Variants in HLCS observed in about 807,000 individuals in gnomAD.
HLCS encodes the protein biotin--protein ligase.
Under a neutral mutation model 75.0 loss-of-function variants are expected in HLCS, and 53 were observed. That is an observed-to-expected ratio of 0.71 (90% CI 0.57 to 0.89). The LOEUF (loss-of-function observed/expected upper bound fraction) is 0.89. Among genes scored for constraint, HLCS ranks in the 40% least tolerant of loss-of-function variants. HLCS has a pLI of 0.00. For synonymous variants in HLCS, 431 were observed against 428.6 expected, an observed-to-expected ratio of 1.01 and a Z score of -0.07; for missense variants, 966 against 1,074.0, an observed-to-expected ratio of 0.90 and a Z score of 1.41.
intron 6 of HLCS, among the ~76,000 whole-genome samples, chr21:36,854,552 T>C (rs1288138994): frequency 1.3e-5 from 2 of 152,146 alleles, no homozygotes; most frequent in Non-Finnish European, 2.9e-5. Flanking sequence ...ACTAATAATT[T>C]GAGCAGTTCA....
chr21:36,983,866 C>G (rs1438364895), intron 1 of HLCS, among the ~76,000 whole-genome samples: 4 of 151,190 alleles, frequency 2.6e-5, no homozygotes, highest in African/African-American at 9.7e-5. Context: ...TTTTTTAAGA[C>G]AGGGTATATC....
At chr21:36,866,242 G>A (rs1892914) in intron 6 of HLCS, among the ~76,000 whole-genome samples, 152,250 of 152,250 alleles carry the variant, frequency 1, 76,125 homozygotes, top group Non-Finnish European at 1. Context: ...AGAAATGCTG[G>A]AAATTAAACC....
chr21:36,925,229 G>C (rs1043470768), intron 5 of HLCS, among the ~76,000 whole-genome samples: 12 of 152,018 alleles, frequency 7.9e-5, no homozygotes, highest in African/African-American at 2.7e-4. Context: ...GATTTTGCCC[G>C]ATCATTTCAG....
At chr21:36,804,645 C>T (rs2061311629) in intron 6 of HLCS, among the ~76,000 whole-genome samples, 1 of 152,116 alleles carries the variant, frequency 6.6e-6, no homozygotes, top group Non-Finnish European at 1.5e-5. Context: ...TCCTGCCATC[C>T]CCATCTCTCT....
rs531035936 is a variant in HLCS, at chr21:36,877,408, A to T, written c.1892+19452T>A. 6.1e-5 allele frequency among the ~76,000 whole-genome samples: 9 copies of T among 148,544 alleles called. No individual in the cohort carries two copies. The South Asian group carries it at 1.7e-3, about 28-fold the overall frequency. On this transcript the variant is annotated intron_variant, in intron 6 of 10. Coordinates refer to ENST00000674895, the MANE Select transcript of HLCS (RefSeq NM_001352514.2). ...GCTTTTGAACTGTATCTTTTGCCTTATGTGTTTAGTGGTTATCCTAGGGAT... is the reference window on the plus strand; with the variant it reads ...GCTTTTGAACTGTATCTTTTGCCTTTTGTGTTTAGTGGTTATCCTAGGGAT...
At chr21:36,966,208 G>A (rs931779377) in intron 1 of HLCS, among the ~76,000 whole-genome samples, 2 of 152,190 alleles carry the variant, frequency 1.3e-5, no homozygotes, top group Non-Finnish European at 2.9e-5. Context: ...CTAGAGTCAC[G>A]CGTCCAGCAC....
chr21:36,813,104 G>GT (rs2061558756), intron 6 of HLCS, among the ~76,000 whole-genome samples: 2 of 152,260 alleles, frequency 1.3e-5, no homozygotes, highest in Admixed American at 1.3e-4. Context: ...TTGGGTCCCT[G>GT]TTTTCTGGCA....
chr21:36,775,351 A>C (rs1007870273), intron 6 of HLCS, among the ~76,000 whole-genome samples: 1 of 152,242 alleles, frequency 6.6e-6, no homozygotes, highest in Non-Finnish European at 1.5e-5. Flanking sequence ...GTATTATCCA[A>C]TCAAAGTGAA....
intron 6 of HLCS, among the ~76,000 whole-genome samples, chr21:36,775,522 C>T (rs1324379098): frequency 1.3e-5 from 2 of 152,258 alleles, no homozygotes; most frequent in Non-Finnish European, 2.9e-5. Context: ...ACCTCTGTGG[C>T]TGTACCTCAG....
chr21:36,781,295 A>G (rs2060526056), intron 6 of HLCS, among the ~76,000 whole-genome samples: 1 of 147,916 alleles, frequency 6.8e-6, no homozygotes, highest in African/African-American at 2.5e-5. Context: ...TGGTATTTTT[A>G]GTCTAAGTGC....
At chr21:36,756,892 C>T (rs1352091135) in intron 9 of HLCS, 137 bp from the exon 10 acceptor site, 2 of 1,535,602 alleles carry the variant, frequency 1.3e-6, no homozygotes, top group African/African-American at 1.4e-5. Context: ...GTGTCTCTAA[C>T]CACTTGAAGA....
At chr21:36,811,664 G>T (rs1167732084) in intron 6 of HLCS, among the ~76,000 whole-genome samples, 1 of 152,250 alleles carries the variant, frequency 6.6e-6, no homozygotes, top group East Asian at 1.9e-4. Context: ...AGTGCTCCTT[G>T]GAGAAATGTG....
rs1191691491 is a variant in HLCS, at chr21:36,888,432, TAAAAA to T, written c.1892+8423_1892+8427del. Among the ~76,000 whole-genome samples, 156 of 23,712 alleles carry T rather than the reference TAAAAA, an allele frequency of 6.6e-3. 3 individuals carry two copies. Among genetic ancestry groups the T allele is most frequent in the Middle Eastern group, 0.056 (2 of 36 alleles). The allele number at this position is 23,712 out of a possible 152,430, so 15.6% of individuals were successfully genotyped here. A position where few individuals can be genotyped will look rare whatever the true frequency, so the allele number is the denominator to read the frequency against. ...AATGCGATCCTGCCCCCTTCCCATTTAAAAAAAAAAAAAATATATATATATATATA... is the reference window on the plus strand; with the variant it reads ...AATGCGATCCTGCCCCCTTCCCATTTAAAAAAAAATATATATATATATATA... On this transcript the variant is annotated intron_variant, in intron 6 of 10. Coordinates refer to ENST00000674895, the MANE Select transcript of HLCS (RefSeq NM_001352514.2).
At chr21:36,811,495 C>A (rs1342711951) in intron 6 of HLCS, among the ~76,000 whole-genome samples, 1 of 152,200 alleles carries the variant, frequency 6.6e-6, no homozygotes, top group African/African-American at 2.4e-5. Flanking sequence ...GGGAGTTCGA[C>A]CACTGCCTGT....
rs921990839 is a variant in HLCS at position 36,752,547 on chromosome 21, G to T, written c.*1699C>A. On this transcript the variant is annotated 3_prime_UTR_variant, in exon 11 of 11. Coordinates refer to ENST00000674895, the MANE Select transcript of HLCS (RefSeq NM_001352514.2). ...GCCCTCTCAAGGGTAAGTCCATTTTGTAATTTGGGGATGGTGTGGACTTGT... is the reference window on the plus strand; with the variant it reads ...GCCCTCTCAAGGGTAAGTCCATTTTTTAATTTGGGGATGGTGTGGACTTGT... 1 of 152,622 alleles carries T rather than the reference G, an allele frequency of 6.6e-6. No homozygotes were observed. Among genetic ancestry groups the T allele is most frequent in the Non-Finnish European group, 1.5e-5 (1 of 68,034 alleles). The allele number at this position is 152,622 out of a possible 1,614,324, so 9.5% of individuals were successfully genotyped here. A position where few individuals can be genotyped will look rare whatever the true frequency, so the allele number is the denominator to read the frequency against.
intron 6 of HLCS, among the ~76,000 whole-genome samples, chr21:36,810,750 A>T (rs73902734): frequency 6.6e-6 from 1 of 152,234 alleles, no homozygotes; most frequent in African/African-American, 2.4e-5. Flanking sequence ...AAAAGGAACC[A>T]GAGTTCCTTC....
intron 6 of HLCS, among the ~76,000 whole-genome samples, chr21:36,894,983 G>A (rs2835528): frequency 0.36 from 54,380 of 151,872 alleles, 13,250 homozygotes; most frequent in African/African-American, 0.69. Flanking sequence ...GCCCTCTGCG[G>A]ATGTGCGGGA....
At position 36,936,549 on chromosome 21, in the gene HLCS, C is replaced by T. The variant is rs781543798; in HGVS notation, c.1337G>A (p.Ser446Asn). Residue 446 changes from serine to asparagine, a missense_variant, in exon 4 of 11, where the codon AGC becomes AAC. Coordinates refer to ENST00000674895, the MANE Select transcript of HLCS (RefSeq NM_001352514.2). ...CRYQEGPVRL[S>N]PGRLQGHLEN... ...CAGGTGGCCCTGGAGCCTGCCGGGG[C>T]TGAGCCGGACGGGGCCTTCCTGGTA... 2 of 1,614,086 alleles carry T rather than the reference C, an allele frequency of 1.2e-6. No homozygotes were observed. Among genetic ancestry groups the T allele is most frequent in the Non-Finnish European group, 1.7e-6 (2 of 1,180,024 alleles).
chr21:36,814,240 G>A (rs1047743695), intron 6 of HLCS, among the ~76,000 whole-genome samples: 2 of 152,278 alleles, frequency 1.3e-5, no homozygotes, highest in Non-Finnish European at 2.9e-5. Context: ...TGCCAGGGAG[G>A]TAAATGGTGG....
Sources: allele counts gnomAD v4.1 joint callset (sites outside exome capture counted in the v4.1 genomes callset), GRCh38; gene constraint gnomAD v4.1.1; transcripts MANE v1.5; gene names NCBI Gene and HGNC (gene_info 2026-07-23, HGNC 2026-07-21).